ZFHX3: variants seen among roughly 807,000 people sequenced by gnomAD.
The protein encoded by ZFHX3 is zinc finger homeobox 3.
In ZFHX3, 42 loss-of-function variants were observed where a neutral mutation model predicts 279.1. The ratio of observed to expected loss-of-function variants is 0.15; its 90% CI spans 0.12 to 0.19. The LOEUF (loss-of-function observed/expected upper bound fraction) is 0.19. Among genes scored for constraint, ZFHX3 ranks in the 10% least tolerant of loss-of-function variants. The pLI is 1.00. For synonymous variants in ZFHX3, 2,293 were observed against 1,957.8 expected (o/e 1.17, Z -4.52); for missense variants, 4,981 against 4,754.0 (o/e 1.05, Z -1.40).
At chr16:72,873,666 G>A (rs1450800614) in intron 4 of ZFHX3, among the ~76,000 whole-genome samples, 1 of 152,216 alleles carries the variant, frequency 6.6e-6, no homozygotes, top group South Asian at 2.1e-4. Flanking sequence ...AAAAGCCTAA[G>A]TGCCTATTGT....
intron 3 of ZFHX3, among the ~76,000 whole-genome samples, chr16:72,920,441 G>A (rs549444500): frequency 2.6e-5 from 4 of 152,130 alleles, no homozygotes; most frequent in Non-Finnish European, 5.9e-5. Context: ...AGCACTTTGG[G>A]AGGCCAAGGC....
chr16:72,957,000 C>T lies in ZFHX3; in HGVS notation c.2719+427G>A, dbSNP rs1335606831. ...TTAAGATGATTGTCTCTACTTAAAT[C>T]ATTGAGGTAACTGTCCCTAGTCCTC... On this transcript the variant is annotated intron_variant, in intron 2 of 9. Transcript: ENST00000268489. Among the ~76,000 whole-genome samples, 12 of 152,180 alleles carry T rather than the reference C, an allele frequency of 7.9e-5. 1 individual carries two copies. Among genetic ancestry groups the T allele is most frequent in the African/African-American group, 2.9e-4 (12 of 41,456 alleles).
At chr16:73,777,581 C>A (rs1959300439) in intron 1 of ZFHX3, among the ~76,000 whole-genome samples, 2 of 141,940 alleles carry the variant, frequency 1.4e-5, no homozygotes, top group African/African-American at 5.2e-5. Flanking sequence ...TTATTTATTT[C>A]ATTTCTACTA....
intron 5 of ZFHX3, among the ~76,000 whole-genome samples, chr16:73,155,722 C>T (rs1227319030): frequency 1.3e-5 from 2 of 152,034 alleles, no homozygotes; most frequent in African/African-American, 2.4e-5. Flanking sequence ...ACTCGGGAGG[C>T]TGAGGCAGGA....
chr16:72,975,765 T>C (rs1037829139), intron 1 of ZFHX3, among the ~76,000 whole-genome samples: 2 of 152,102 alleles, frequency 1.3e-5, no homozygotes, highest in Non-Finnish European at 2.9e-5. Context: ...GGGCAATAAT[T>C]ACACCCTCAC....
At chr16:72,874,109 GA>G (rs923224352) in intron 4 of ZFHX3, among the ~76,000 whole-genome samples, 1 of 151,694 alleles carries the variant, frequency 6.6e-6, no homozygotes, top group African/African-American at 2.4e-5. Context: ...GGCTTTGGAG[GA>G]AACTTTTAAA....
chr16:73,186,101 T>A (rs62052445), intron 5 of ZFHX3, among the ~76,000 whole-genome samples: 27,041 of 152,034 alleles, frequency 0.18, 2,653 homozygotes, highest in Middle Eastern at 0.28. Flanking sequence ...CATGGGACCA[T>A]CTAGTTGCAA....
intron 2 of ZFHX3, among the ~76,000 whole-genome samples, chr16:73,661,973 GT>G (rs5817862): frequency 0.22 from 31,040 of 143,778 alleles, 3,406 homozygotes; most frequent in African/African-American, 0.25. Flanking sequence ...TTTTTTTTTT[GT>G]TTTTTTTTTT....
At chr16:73,291,753 A>T (rs974820864) in intron 4 of ZFHX3, among the ~76,000 whole-genome samples, 3 of 152,194 alleles carry the variant, frequency 2.0e-5, no homozygotes, top group African/African-American at 7.2e-5. Flanking sequence ...CATTTCTAGA[A>T]GGCTGGATAG....
Position 72,798,677 on chromosome 16 carries a change from G to A in ZFHX3, c.4005C>T (p.Ser1335=), listed in dbSNP as rs371167655. 100 of 1,582,562 alleles carry A rather than the reference G, an allele frequency of 6.3e-5. No homozygotes were observed. Among genetic ancestry groups the A allele is most frequent in the Non-Finnish European group, 7.5e-5 (88 of 1,165,710 alleles). Residue 1335 remains serine (S), a synonymous_variant, in exon 9 of 10, where the codon TCC becomes TCT. Transcript: ENST00000268489. ...AATCTCCGCTTTGCTCTGTGCTTGC[G>A]GATGGCAAGATGTTCTTTCCCAGAT... ...SEDLGKNILP[S]ASTEQSGDLK...
At chr16:73,043,524 AAG>A (rs1273419961) in intron 1 of ZFHX3, among the ~76,000 whole-genome samples, 2 of 152,200 alleles carry the variant, frequency 1.3e-5, no homozygotes, top group Non-Finnish European at 2.9e-5. Context: ...ACGTCAAAGA[AAG>A]AAAAAATCCC....
intron 2 of ZFHX3, chr16:73,456,329 G>A (rs1345792090): frequency 6.6e-6 from 1 of 152,164 alleles, no homozygotes; most frequent in Non-Finnish European, 1.5e-5. Context: ...AAATAGAAGA[G>A]ATACATTCCT....
In ZFHX3 at chr16:73,266,382, C is replaced by T. The variant is rs191371514; in HGVS notation, c.-1193-9246G>A. 8.2e-4 allele frequency among the ~76,000 whole-genome samples: 125 copies of T among 152,132 alleles called. No individual in the cohort carries two copies. The Middle Eastern group carries it at 0.01, about 12-fold the overall frequency. Reference sequence around the variant, plus strand: ...TATTATTTCTATTTAGTATTACTTTCGAAAGCAAACTTACATACAAGATAA... The same window carrying T: ...TATTATTTCTATTTAGTATTACTTTTGAAAGCAAACTTACATACAAGATAA... On this transcript the variant is annotated intron_variant, in intron 4 of 17. Coordinates refer to the ZFHX3 transcript ENST00000641206.
chr16:73,129,945 A>C (rs1966647963), intron 7 of ZFHX3, among the ~76,000 whole-genome samples: 1 of 152,194 alleles, frequency 6.6e-6, no homozygotes, highest in South Asian at 2.1e-4. Context: ...AAGCAGGAAA[A>C]CAGGGAAAGC....
intron 3 of ZFHX3, among the ~76,000 whole-genome samples, chr16:73,431,446 C>A (rs1047822481): frequency 1.3e-5 from 2 of 152,062 alleles, no homozygotes; most frequent in East Asian, 3.9e-4. Context: ...TAGGCTGAGG[C>A]GGCAGAATCA....
intron 3 of ZFHX3, among the ~76,000 whole-genome samples, chr16:72,894,324 A>T (rs982182495): frequency 6.6e-6 from 1 of 152,116 alleles, no homozygotes; most frequent in African/African-American, 2.4e-5. Context: ...AAGTTGTCCA[A>T]CTGGAAGTAA....
intron 5 of ZFHX3, among the ~76,000 whole-genome samples, chr16:73,240,555 G>C (rs954471948): frequency 6.6e-6 from 1 of 151,966 alleles, no homozygotes; most frequent in African/African-American, 2.4e-5. Flanking sequence ...CACCAACTAA[G>C]AGCACAAAAT....
chr16:73,859,816 C>T (rs1032518184), intron 1 of ZFHX3, among the ~76,000 whole-genome samples: 3 of 152,172 alleles, frequency 2.0e-5, no homozygotes, highest in African/African-American at 4.8e-5. Flanking sequence ...GTCAGCAAGA[C>T]GTACTTGGGT....
intron 1 of ZFHX3, among the ~76,000 whole-genome samples, chr16:73,772,710 G>C (rs940965704): frequency 6.6e-6 from 1 of 152,166 alleles, no homozygotes; most frequent in Non-Finnish European, 1.5e-5. Flanking sequence ...TGCAGCTCCT[G>C]TCTCTCAATG....
Sources: allele counts gnomAD v4.1 joint callset (sites outside exome capture counted in the v4.1 genomes callset), GRCh38; gene constraint gnomAD v4.1.1; transcripts MANE v1.5; gene names NCBI Gene and HGNC (gene_info 2026-07-23, HGNC 2026-07-21).